The following MYH15 variants were observed in gnomAD, a reference collection of about 807,000 sequenced individuals.
MYH15 encodes the protein myosin heavy chain 15, also known as myosin-15.
In MYH15, 227 loss-of-function variants were observed where a neutral mutation model predicts 240.5. That is an observed-to-expected ratio of 0.94 (90% CI 0.85 to 1.05). MYH15 has a LOEUF of 1.05. Ranked by LOEUF, MYH15 falls within the 50% of genes least tolerant of loss-of-function variation. MYH15 has a pLI of 0.00. For synonymous variants in MYH15, 785 were observed against 796.7 expected, an observed-to-expected ratio of 0.99 and a Z score of 0.25; for missense variants, 2,217 against 2,247.5, an observed-to-expected ratio of 0.99 and a Z score of 0.27.
intron 21 of MYH15, among the ~76,000 whole-genome samples, chr3:108,446,096 A>G (rs2082925463): frequency 6.6e-6 from 1 of 152,064 alleles, no homozygotes; most frequent in Admixed American, 6.5e-5. Context: ...CTCTAGGACC[A>G]TCCCAATAAT....
intron 11 of MYH15, among the ~76,000 whole-genome samples, chr3:108,482,588 T>C (rs2083275661): frequency 6.6e-6 from 1 of 152,200 alleles, no homozygotes; most frequent in Non-Finnish European, 1.5e-5. Context: ...CATAAAAGCA[T>C]ATGTGAATAT....
chr3:108,400,103 T>C (rs1430237108), intron 33 of MYH15, among the ~76,000 whole-genome samples: 1 of 152,188 alleles, frequency 6.6e-6, no homozygotes, highest in Admixed American at 6.5e-5. Context: ...CATAGAAATG[T>C]TCACTTGTGA....
Position 108,519,686 on chromosome 3 carries a change from T to C in MYH15, c.-57-9099A>G, listed in dbSNP as rs148779919. Among the ~76,000 whole-genome samples, 8 of 152,302 alleles carry C rather than the reference T, an allele frequency of 5.3e-5. No individual in the cohort carries two copies. The East Asian group carries it at 1.5e-3, about 29-fold the overall frequency. ...ATACCACAGTCAACGGAATAAAGAT[T>C]AGCTGAAATGGAACATTGTCATGAT... On this transcript the variant is annotated intron_variant, in intron 1 of 41. Transcript: ENST00000273353.
At chr3:108,548,978 G>A in the MYH15 span, among the ~76,000 whole-genome samples, 2 of 151,798 alleles carry the variant, frequency 1.3e-5, no homozygotes, top group Non-Finnish European at 1.5e-5. Context: ...TTAAATTAAT[G>A]AACAATTTAA....
chr3:108,473,191 T>G (rs2083191832), intron 12 of MYH15, among the ~76,000 whole-genome samples: 1 of 152,110 alleles, frequency 6.6e-6, no homozygotes, highest in African/African-American at 2.4e-5. Flanking sequence ...GTATTTTTAG[T>G]AGAGACAAGG....
rs1233872364 is a variant in MYH15 at position 108,380,526 on chromosome 3, A to G, written c.*1019T>C. ...CAAGGATGAAGGGAAGTCCATAAGA[A>G]CAAACAGAACCCATGTCTGTCTCAC... On this transcript the variant is annotated 3_prime_UTR_variant, in exon 41 of 41. Transcript: ENST00000693548. The G allele has an allele frequency of 1.3e-5, 2 of 152,334 alleles. No individual in the cohort carries two copies. Among genetic ancestry groups the G allele is most frequent in the African/African-American group, 4.8e-5 (2 of 41,460 alleles). 9.4% of individuals were successfully genotyped at this position (152,334 alleles called of 1,614,324 possible).
intron 27 of MYH15, among the ~76,000 whole-genome samples, chr3:108,425,276 G>C (rs1273332891): frequency 6.6e-6 from 1 of 152,186 alleles, no homozygotes; most frequent in Admixed American, 6.5e-5. Context: ...GGTTGACTCT[G>C]ATCAAAGGTT....
chr3:108,459,511 C>A, intron 17 of MYH15, 62 bp from the exon 18 acceptor site: 1 of 945,972 alleles, frequency 1.1e-6, no homozygotes, highest in South Asian at 1.5e-5. Flanking sequence ...CACCAATCCA[C>A]CTCACAAATG....
rs1207519078 is a variant in MYH15 at position 108,388,929 on chromosome 3, A to G, written c.5535+41T>C. 4 of 1,568,044 alleles carry G rather than the reference A, an allele frequency of 2.6e-6. No homozygotes were observed. In the African/African-American group the frequency reaches 4.1e-5, roughly 16 times the overall value. On this transcript the variant is annotated intron_variant, in intron 38 of 40. Coordinates refer to ENST00000693548, the MANE Select transcript of MYH15 (RefSeq NM_014981.3). ...TTGAAGGAGTACTTTTCTGCAGGGTAGTGCCCAGCCAGACAAACAGGGAAT... is the reference window on the plus strand; with the variant it reads ...TTGAAGGAGTACTTTTCTGCAGGGTGGTGCCCAGCCAGACAAACAGGGAAT...
At chr3:108,394,779 G>A (rs184011983) in intron 35 of MYH15, among the ~76,000 whole-genome samples, 10 of 152,280 alleles carry the variant, frequency 6.6e-5, no homozygotes, top group Admixed American at 5.9e-4. Context: ...TGTGACACTA[G>A]AGGCCAAATA....
At position 108,459,431 on chromosome 3, in the gene MYH15, T is replaced by A. The variant is rs1225477202; in HGVS notation, c.1951A>T (p.Met651Leu). The A allele has an allele frequency of 6.2e-7, 1 of 1,604,140 alleles. No homozygotes were observed. Among genetic ancestry groups the A allele is most frequent in the East Asian group, 2.2e-5 (1 of 44,472 alleles). ...GGTGCTGTTGATTTCAGATTAGTCATCAATTTATTCAGGTTTTCCTAAAAT... is the reference window on the plus strand; with the variant it reads ...GGTGCTGTTGATTTCAGATTAGTCAACAATTTATTCAGGTTTTCCTAAAAT... ...SLHKENLNKL[M>L]TNLKSTAPHF... Residue 651 changes from methionine (M) to leucine (L), a missense_variant, in exon 18 of 41, where the codon ATG becomes TTG. Coordinates refer to ENST00000693548, the MANE Select transcript of MYH15 (RefSeq NM_014981.3).
In MYH15 at chr3:108,485,175, GT is replaced by G. The variant is rs1160111587; in HGVS notation, c.1029del (p.Lys343AsnfsTer12). On this transcript the variant is annotated frameshift_variant, in exon 11 of 41. Transcript: ENST00000693548. LOFTEE classifies it high-confidence loss of function. ...CCAAAGTGCATGATGGCTCCAGTGA[GT>G]TTATAGCATCCATACTTCTCATCAG... ...FLPDEKYGCY[K>X]LTGAIMHFGN... 1 of 1,613,980 alleles carries G rather than the reference GT, an allele frequency of 6.2e-7. No homozygotes were observed. Among genetic ancestry groups the G allele is most frequent in the African/African-American group, 1.3e-5 (1 of 74,896 alleles).
At chr3:108,485,254 C>A in intron 10 of MYH15, 25 bp from the exon 11 acceptor site, 2 of 1,612,962 alleles carry the variant, frequency 1.2e-6, no homozygotes, top group Non-Finnish European at 1.7e-6. Flanking sequence ...ACAGATGGCC[C>A]TGTCTTCATT....
intron 7 of MYH15, among the ~76,000 whole-genome samples, chr3:108,495,098 G>A (rs972468628): frequency 1.3e-5 from 2 of 152,102 alleles, no homozygotes; most frequent in South Asian, 2.1e-4. Context: ...TAGCCAAATC[G>A]GCATGAGGTT....
Position 108,502,593 on chromosome 3 carries a change from A to C in MYH15, c.196-738T>G, listed in dbSNP as rs939962180. On this transcript the variant is annotated intron_variant, in intron 2 of 40. Coordinates refer to ENST00000693548, the MANE Select transcript of MYH15 (RefSeq NM_014981.3). The stretch of plus-strand genomic sequence containing the variant: ...GCTTGGGATATAATAAATAATCAAT[A>C]AATATTAATATATTGATTAATATGG... Among the ~76,000 whole-genome samples, 27 of 152,136 alleles carry C rather than the reference A, an allele frequency of 1.8e-4. 1 individual carries two copies. Among genetic ancestry groups the C allele is most frequent in the Non-Finnish European group, 1.5e-5 (1 of 68,026 alleles).
Position 108,428,568 on chromosome 3 carries a change from A to T in MYH15, c.3626T>A (p.Leu1209Gln). 6.2e-7 allele frequency: 1 copy of T among 1,613,896 alleles called. No individual in the cohort carries two copies. The highest frequency in any genetic ancestry group is 8.5e-7 in the Non-Finnish European group (1 of 1,180,012). ...CTGCAAGTCACTCTTGTCTTTTTCC[A>T]GTTTCTGCTTGACCTGCTGTAGATT... Reference protein sequence around the residue: ...VENLQQVKQKLEKDKSDLQLE... With the variant: ...VENLQQVKQKQEKDKSDLQLE... The change falls in exon 27 of 41, where the codon CTG becomes CAG. Residue 1209 changes from leucine to glutamine, a missense_variant. Transcript: ENST00000693548.
the MYH15 span, among the ~76,000 whole-genome samples, chr3:108,541,832 G>A: frequency 2.0e-5 from 3 of 151,964 alleles, no homozygotes; most frequent in Non-Finnish European, 2.9e-5. Flanking sequence ...AGCCCTATAC[G>A]TATTGATATC....
At chr3:108,408,542 A>C in intron 31 of MYH15, 138 bp from the exon 32 acceptor site, 1 of 769,158 alleles carries the variant, frequency 1.3e-6, no homozygotes, top group Non-Finnish European at 2.0e-6. Context: ...CCTATCCTAT[A>C]TGGGACCGAG....
At chr3:108,463,321 CTT>C (rs373219290) in intron 15 of MYH15, 78 bp from the exon 16 acceptor site, 751 of 1,129,094 alleles carry the variant, frequency 6.7e-4, no homozygotes, top group Middle Eastern at 1.6e-3. Context: ...TGCATTACCC[CTT>C]TTTTTTTTTG....
Sources: allele counts gnomAD v4.1 joint callset (sites outside exome capture counted in the v4.1 genomes callset), GRCh38; gene constraint gnomAD v4.1.1; transcripts MANE v1.5; gene names NCBI Gene and HGNC (gene_info 2026-07-23, HGNC 2026-07-21).